Variants in MED13L observed in about 807,000 individuals in gnomAD.
MED13L encodes mediator complex subunit 13L, also known as mediator of RNA polymerase II transcription subunit 13-like.
MED13L carries 7 observed loss-of-function variants against 220.9 expected under a neutral mutation model. That is an observed-to-expected ratio of 0.03 (90% CI 0.02 to 0.06). MED13L has a LOEUF of 0.06. Ranked by LOEUF, MED13L falls within the 10% of genes least tolerant of loss-of-function variation. The probability of loss-of-function intolerance (pLI) is 1.00; values close to 1 mark genes in which losing one functional copy is unlikely to be tolerated. For synonymous variants in MED13L, 1,011 were observed against 1,015.2 expected (o/e 1.00, Z 0.08); for missense variants, 1,965 against 2,760.5 (o/e 0.71, Z 6.46).
chr12:115,997,260 T>C, intron 14 of MED13L, 30 bp from the exon 15 acceptor site: 2 of 1,597,896 alleles, frequency 1.3e-6, no homozygotes, highest in Non-Finnish European at 1.7e-6. Context: ...AAAATTTGTT[T>C]AATAGGAAGG....
chr12:116,054,462 CTTT>C (rs377654649), intron 4 of MED13L, among the ~76,000 whole-genome samples: 7 of 152,220 alleles, frequency 4.6e-5, no homozygotes, highest in South Asian at 2.1e-4. Context: ...TGTATACCTT[CTTT>C]GAGTACCTAC....
At chr12:116,247,885 A>G (rs1301794503) in intron 1 of MED13L, among the ~76,000 whole-genome samples, 1 of 152,204 alleles carries the variant, frequency 6.6e-6, no homozygotes, top group Non-Finnish European at 1.5e-5. Flanking sequence ...AACAATGTGA[A>G]GTAGATATTT....
intron 1 of MED13L, among the ~76,000 whole-genome samples, chr12:116,254,586 T>C (rs1052741113): frequency 6.6e-6 from 1 of 151,932 alleles, no homozygotes; most frequent in African/African-American, 2.4e-5. Context: ...CTGTCTCTAC[T>C]AAAAACACAA....
chr12:115,968,420 C>T lies in MED13L; in HGVS notation c.6225+520G>A, dbSNP rs552796120. Among the ~76,000 whole-genome samples, 161 of 152,282 alleles carry T rather than the reference C, an allele frequency of 1.1e-3. 1 individual carries two copies. The highest frequency in any genetic ancestry group is 7.0e-3 in the South Asian group (34 of 4,826). ...CACATCTGTAAAATCAATCTCCTGG[C>T]GGCTCTTGCCATTCCTGCAGGTCGG... On this transcript the variant is annotated intron_variant, in intron 28 of 30. Transcript: ENST00000281928.
chr12:116,217,241 G>A (rs761756003), intron 2 of MED13L, among the ~76,000 whole-genome samples: 6 of 152,128 alleles, frequency 3.9e-5, no homozygotes, highest in Non-Finnish European at 8.8e-5. Flanking sequence ...AACCTATTAG[G>A]GAATGAAACA....
In MED13L at chr12:116,148,643, A is replaced by C. The variant is rs758917451; in HGVS notation, c.311-37131T>G. The C allele has an allele frequency of 3.3e-5, 6 of 182,142 alleles. No homozygotes were observed. The South Asian group carries it at 6.8e-4, about 21-fold the overall frequency. The allele number at this position is 182,142 out of a possible 1,614,324, so 11.3% of individuals were successfully genotyped here. ...TATATATATATATACGGAGCTAGAT[A>C]TAGATATATATAGATATAAGTAGTT... On this transcript the variant is annotated intron_variant, in intron 2 of 30. Coordinates refer to ENST00000281928, the MANE Select transcript of MED13L (RefSeq NM_015335.5).
intron 2 of MED13L, among the ~76,000 whole-genome samples, chr12:116,194,170 CTTT>C (rs1408165979): frequency 6.6e-6 from 1 of 152,028 alleles, no homozygotes; most frequent in African/African-American, 2.4e-5. Context: ...ACCCCTACTT[CTTT>C]TTTTCTTTTG....
At chr12:116,033,248 G>T (rs1880966403) in intron 4 of MED13L, among the ~76,000 whole-genome samples, 1 of 152,024 alleles carries the variant, frequency 6.6e-6, no homozygotes, top group Non-Finnish European at 1.5e-5. Flanking sequence ...TAAAACAAAT[G>T]CTAGAATATT....
At position 116,102,703 on chromosome 12, in the gene MED13L, CT is replaced by C. The variant is rs1278266842; in HGVS notation, c.396-5952del. 6.8e-4 allele frequency among the ~76,000 whole-genome samples: 43 copies of C among 63,208 alleles called. 1 individual carries two copies. In the East Asian group the frequency reaches 0.013, roughly 19 times the overall value. 41.5% of individuals were successfully genotyped at this position (63,208 alleles called of 152,430 possible). On this transcript the variant is annotated intron_variant, in intron 3 of 30. Coordinates refer to ENST00000281928, the MANE Select transcript of MED13L (RefSeq NM_015335.5). ...ATCCCTATATTTTCTTTTTCTTTTT[CT>C]TTTTTCTTTTTTTTTTTTTTTTTTT...
intron 2 of MED13L, among the ~76,000 whole-genome samples, chr12:116,133,504 T>C (rs988276522): frequency 6.6e-5 from 10 of 152,156 alleles, no homozygotes; most frequent in African/African-American, 2.4e-4. Flanking sequence ...TCTAGGACCA[T>C]GGTAACTCAT....
At chr12:116,128,463 A>C (rs189249858) in intron 2 of MED13L, among the ~76,000 whole-genome samples, 17 of 152,204 alleles carry the variant, frequency 1.1e-4, no homozygotes, top group Admixed American at 4.6e-4. Flanking sequence ...AAAACAAGAA[A>C]ATAAATTAAA....
At chr12:116,077,938 C>T (rs1253950525) in intron 4 of MED13L, among the ~76,000 whole-genome samples, 7 of 144,748 alleles carry the variant, frequency 4.8e-5, no homozygotes, top group African/African-American at 1.8e-4. Context: ...AGATCACTTA[C>T]GGTCAGCAGC....
At chr12:116,187,646 T>C (rs942678893) in intron 2 of MED13L, among the ~76,000 whole-genome samples, 2 of 152,174 alleles carry the variant, frequency 1.3e-5, no homozygotes, top group African/African-American at 4.8e-5. Flanking sequence ...TTCTATAATA[T>C]AGAAGATATA....
intron 4 of MED13L, among the ~76,000 whole-genome samples, chr12:116,058,564 T>C (rs1869161986): frequency 1.3e-5 from 2 of 152,212 alleles, no homozygotes; most frequent in South Asian, 4.1e-4. Context: ...AATAAACAAA[T>C]CTATGACCTT....
At chr12:116,060,508 G>A (rs543098762) in intron 4 of MED13L, among the ~76,000 whole-genome samples, 31 of 151,246 alleles carry the variant, frequency 2.0e-4, no homozygotes, top group African/African-American at 6.8e-4. Flanking sequence ...AACCCAGGAG[G>A]TGGAGGTTGT....
At chr12:116,216,379 T>C (rs1028594307) in intron 2 of MED13L, among the ~76,000 whole-genome samples, 5 of 152,186 alleles carry the variant, frequency 3.3e-5, no homozygotes, top group African/African-American at 9.7e-5. Context: ...AGGTCACCTC[T>C]ACTCTTCCCA....
chr12:116,059,440 G>T (rs2137625655), intron 4 of MED13L, among the ~76,000 whole-genome samples: 1 of 149,902 alleles, frequency 6.7e-6, no homozygotes, highest in Admixed American at 6.6e-5. Context: ...TTTTGGTGAG[G>T]AGTTTCCCTC....
In MED13L at chr12:116,000,263, T is replaced by G. The variant is rs1046961509; in HGVS notation, c.2569+2740A>C. On this transcript the variant is annotated intron_variant, in intron 14 of 30. Coordinates refer to ENST00000281928, the MANE Select transcript of MED13L (RefSeq NM_015335.5). ...GAACACACAGACTCCAAGAAACACT[T>G]TGGTCCTCCAAAATAGAAACATGAT... is the stretch of plus-strand genomic sequence containing the variant. Among the ~76,000 whole-genome samples, 8 of 152,282 alleles carry G rather than the reference T, an allele frequency of 5.3e-5. No individual in the cohort carries two copies. In the East Asian group the frequency reaches 1.4e-3, roughly 26 times the overall value.
At chr12:116,270,912 C>T (rs181040317) in intron 1 of MED13L, among the ~76,000 whole-genome samples, 134 of 151,374 alleles carry the variant, frequency 8.9e-4, no homozygotes, top group Non-Finnish European at 1.7e-3. Flanking sequence ...CATAGTGGCG[C>T]GCGCCTGTAG....
Sources: allele counts gnomAD v4.1 joint callset (sites outside exome capture counted in the v4.1 genomes callset), GRCh38; gene constraint gnomAD v4.1.1; transcripts MANE v1.5; gene names NCBI Gene and HGNC (gene_info 2026-07-23, HGNC 2026-07-21).